Variants in HMGXB3 observed in about 807,000 individuals in gnomAD.
The protein encoded by HMGXB3 is HMG domain-containing protein 3.
Under a neutral mutation model 121.5 loss-of-function variants are expected in HMGXB3, and 45 were observed. The observed-to-expected ratio is 0.37, with a 90% CI of 0.29 to 0.47. The LOEUF (loss-of-function observed/expected upper bound fraction) is 0.47, where lower values mean the gene tolerates loss of function less well. Among genes scored for constraint, HMGXB3 ranks in the 20% least tolerant of loss-of-function variants. HMGXB3 has a pLI of 0.99. For missense variants in HMGXB3, 1,376 were observed against 1,602.2 expected (o/e 0.86, Z 2.41); for synonymous variants, 590 against 624.1 (o/e 0.95, Z 0.81).
In HMGXB3 at chr5:150,036,967, A is replaced by T. The variant is rs530559311; in HGVS notation, c.2285+30A>T. The T allele has an allele frequency of 6.2e-5, 95 of 1,520,800 alleles. No individual in the cohort carries two copies. The East Asian group carries it at 2.3e-3, about 37-fold the overall frequency. 94.2% of individuals were successfully genotyped at this position (1,520,800 alleles called of 1,614,324 possible). A position where few individuals can be genotyped will look rare whatever the true frequency, so the allele number is the denominator to read the frequency against. The stretch of plus-strand genomic sequence containing the variant: ...GCACCCCTTAACTCTGCCCCTAGCT[A>T]CCCCATCCCATTTGGCTCATACTGC... On this transcript the variant is annotated intron_variant, in intron 12 of 19. Transcript: ENST00000502717.
rs1756931067 is a variant in HMGXB3 at position 150,052,205 on chromosome 5, TACAGGGACTAC to T, written c.*16_*26del. The T allele has an allele frequency of 1.3e-6, 2 of 1,515,984 alleles. No homozygotes were observed. The highest frequency in any genetic ancestry group is 3.9e-5 in the Admixed American group (2 of 50,648). The allele number at this position is 1,515,984 out of a possible 1,614,324, so 93.9% of individuals were successfully genotyped here. A position where few individuals can be genotyped will look rare whatever the true frequency, so the allele number is the denominator to read the frequency against. ...AGTGGCAGAATAAGCCAGGCTGTTG[TACAGGGACTAC>T]ACCATCTCTCAAGCCATAGTAAGGC... On this transcript the variant is annotated 3_prime_UTR_variant, in exon 20 of 20. Coordinates refer to ENST00000502717, the MANE Select transcript of HMGXB3 (RefSeq NM_014983.3).
At position 150,047,686 on chromosome 5, in the gene HMGXB3, T is replaced by C; in HGVS notation, c.3013T>C (p.Ser1005Pro). 1 of 1,551,746 alleles carries C rather than the reference T, an allele frequency of 6.4e-7. No homozygotes were observed. Among genetic ancestry groups the C allele is most frequent in the Non-Finnish European group, 8.7e-7 (1 of 1,147,002 alleles). The change falls in exon 17 of 20, where the codon TCC (serine) becomes CCC (proline). Residue 1005 changes from serine (S) to proline (P), a missense_variant. Physicochemically the swap from Ser to Pro is moderately conservative, Grantham distance 74. Transcript: ENST00000502717. ...CACCTGCAAGCTTGATGAGATTGGC[T>C]CCTACAGTGAAGAGAAGCTGCAGCA... Reference protein sequence around the residue: ...EGTCKLDEIGSYSEEKLQHLL... With the variant: ...EGTCKLDEIGPYSEEKLQHLL...
chr5:150,027,034 G>A lies in HMGXB3; in HGVS notation c.1651G>A (p.Val551Met). The change falls in exon 9 of 20, where the codon GTG becomes ATG. Residue 551 changes from valine (V) to methionine (M), a missense_variant. Val to Met is a conservative substitution (Grantham distance 21). Transcript: ENST00000502717. ...GGTTCTCTCAGATAAGACTCCCTCT[G>A]TGAGGACTTGTGGTCTGAAGCCAAG... ...AFSLSDKTPS[V>M]RTCGLKPSTL... 1.3e-6 allele frequency: 2 copies of A among 1,551,718 alleles called. No homozygotes were observed. The highest frequency in any genetic ancestry group is 1.7e-6 in the Non-Finnish European group (2 of 1,146,994).
chr5:150,044,135 T>C (rs1756700736), intron 15 of HMGXB3, among the ~76,000 whole-genome samples: 1 of 152,206 alleles, frequency 6.6e-6, no homozygotes, highest in African/African-American at 2.4e-5. Context: ...TTCATAGAGG[T>C]ACTTCTTTGT....
intron 5 of HMGXB3, chr5:150,015,009 ACCAC>A (rs1755927700): frequency 1.5e-6 from 1 of 646,224 alleles, no homozygotes; most frequent in African/African-American, 1.9e-5. Context: ...CGAATACCAA[ACCAC>A]CAATGATTGC....
chr5:150,021,459 G>A (rs1430498262), intron 6 of HMGXB3: 3 of 233,464 alleles, frequency 1.3e-5, no homozygotes, highest in Non-Finnish European at 2.6e-5. Flanking sequence ...CCAACCTATG[G>A]CCCAGGATGG....
intron 14 of HMGXB3, among the ~76,000 whole-genome samples, chr5:150,041,514 T>C (rs575596577): frequency 5.2e-4 from 79 of 152,284 alleles, no homozygotes; most frequent in African/African-American, 1.9e-3. Flanking sequence ...TAAATTGAGG[T>C]GAGATTAATG....
At chr5:150,017,859 T>C (rs1755993392) in intron 5 of HMGXB3, among the ~76,000 whole-genome samples, 1 of 152,226 alleles carries the variant, frequency 6.6e-6, no homozygotes, top group Admixed American at 6.5e-5. Context: ...TGAAATATTA[T>C]AACCCATAGT....
chr5:150,030,644 T>C, intron 9 of HMGXB3, 97 bp from the exon 10 acceptor site: 1 of 898,402 alleles, frequency 1.1e-6, no homozygotes, highest in Admixed American at 2.1e-5. Flanking sequence ...CTCTACAAAT[T>C]CCCCGGGAAA....
chr5:150,006,957 A>G, intron 3 of HMGXB3, among the ~76,000 whole-genome samples: 1 of 152,298 alleles, frequency 6.6e-6, no homozygotes, highest in South Asian at 2.1e-4. Context: ...TAATGTAGTA[A>G]ACTTTAATAT....
At chr5:150,023,604 A>C (rs1426548171) in intron 6 of HMGXB3, among the ~76,000 whole-genome samples, 1 of 152,262 alleles carries the variant, frequency 6.6e-6, no homozygotes, top group East Asian at 1.9e-4. Flanking sequence ...TAAGACACCA[A>C]GGACTTTTTA....
At chr5:150,030,142 C>CT (rs1344621916) in intron 9 of HMGXB3, among the ~76,000 whole-genome samples, 3 of 138,622 alleles carry the variant, frequency 2.2e-5, no homozygotes, top group Non-Finnish European at 4.5e-5. Flanking sequence ...TCTTTTCTTT[C>CT]TTTTTTTTAG....
intron 19 of HMGXB3, among the ~76,000 whole-genome samples, chr5:150,051,436 A>AAAG (rs1756890966): frequency 6.6e-6 from 1 of 152,220 alleles, no homozygotes; most frequent in Admixed American, 6.5e-5. Context: ...TCTTAACCTC[A>AAAG]GTCAGAGCCT....
At chr5:150,035,796 T>C (rs545561836) in intron 11 of HMGXB3, among the ~76,000 whole-genome samples, 5 of 151,880 alleles carry the variant, frequency 3.3e-5, no homozygotes, top group Non-Finnish European at 7.4e-5. Context: ...TTTTAATGAG[T>C]ATTTCAGAAC....
Position 150,032,509 on chromosome 5 carries a change from G to C in HMGXB3, c.1889G>C (p.Ser630Thr), listed in dbSNP as rs1282943538. The C allele has an allele frequency of 6.4e-7, 1 of 1,551,890 alleles. No homozygotes were observed. Among genetic ancestry groups the C allele is most frequent in the African/African-American group, 1.4e-5 (1 of 73,158 alleles). Residue 630 changes from serine (S) to threonine (T), a missense_variant, in exon 11 of 20, where the codon AGC becomes ACC. Physicochemically the swap from Ser to Thr is moderately conservative, Grantham distance 58. This residue lies in a region of HMGXB3 where 1,116 missense variants were observed against 1,369.0 expected (regional missense o/e 0.82). Coordinates refer to ENST00000502717, the MANE Select transcript of HMGXB3 (RefSeq NM_014983.3). ...GGAAAGTGCAAGAATCCCTCTTGTA[G>C]CTATGTCTACACCAACAGGCACAAA... is the stretch of plus-strand genomic sequence containing the variant. The part of the protein sequence containing the change: ...GRGKCKNPSC[S>T]YVYTNRHKPR...
Position 150,024,316 on chromosome 5 carries a change from T to G in HMGXB3, c.1096T>G (p.Ser366Ala), listed in dbSNP as rs1376514981. The G allele has an allele frequency of 5.2e-6, 8 of 1,551,526 alleles. No individual in the cohort carries two copies. The Admixed American group carries it at 1.4e-4, about 27-fold the overall frequency. ...GGCTTCTGGCGTCTCTTCCAAAGGCTCTGTGGTGAAAAGAAATCAGCAACC... is the reference window on the plus strand; with the variant it reads ...GGCTTCTGGCGTCTCTTCCAAAGGCGCTGTGGTGAAAAGAAATCAGCAACC... ...ELASGVSSKGSVVKRNQQPVT... is the reference protein window; with the variant it reads ...ELASGVSSKGAVVKRNQQPVT... The change falls in exon 7 of 20, where the codon TCT (serine) becomes GCT (alanine). Residue 366 changes from serine (S) to alanine (A), a missense_variant. Coordinates refer to ENST00000502717, the MANE Select transcript of HMGXB3 (RefSeq NM_014983.3).
At chr5:150,040,657 C>T in intron 13 of HMGXB3, 91 bp from the exon 14 acceptor site, 1 of 1,347,360 alleles carries the variant, frequency 7.4e-7, no homozygotes, top group East Asian at 2.7e-5. Context: ...CAACTACAGG[C>T]ACGTGCCACC....
Position 150,032,449 on chromosome 5 carries a change from T to G in HMGXB3, c.1834-5T>G. On this transcript the variant is annotated splice_polypyrimidine_tract_variant and splice_region_variant and intron_variant, in intron 10 of 19. Transcript: ENST00000502717. ...TAGAATTGAACACTGGTCTTACTTT[T>G]TTAGGATTTGGGCCTGGCTACATCA... The G allele has an allele frequency of 6.4e-7, 1 of 1,550,970 alleles. No individual in the cohort carries two copies. Among genetic ancestry groups the G allele is most frequent in the Non-Finnish European group, 8.7e-7 (1 of 1,146,508 alleles).
intron 15 of HMGXB3, 26 bp downstream of exon 15, chr5:150,041,995 G>T (rs921794302): frequency 4.5e-5 from 69 of 1,537,006 alleles, no homozygotes; most frequent in Non-Finnish European, 5.5e-5. Flanking sequence ...CCACCGTGAG[G>T]GACCTGCGGA....
Sources: allele counts gnomAD v4.1 joint callset (sites outside exome capture counted in the v4.1 genomes callset), GRCh38; gene constraint gnomAD v4.1.1; regional missense constraint gnomAD v4.1.1; transcripts MANE v1.5; gene names NCBI Gene and HGNC (gene_info 2026-07-23, HGNC 2026-07-21).